The following ZNF385B variants were observed in gnomAD, a reference collection of about 807,000 sequenced individuals.
ZNF385B encodes zinc finger protein 385B, also known as zinc finger protein 533.
ZNF385B carries 23 observed loss-of-function variants against 39.2 expected under a neutral mutation model. The observed-to-expected ratio is 0.59, with a 90% CI of 0.42 to 0.83. The LOEUF is 0.83. Ranked by LOEUF, ZNF385B falls within the 40% of genes least tolerant of loss-of-function variation. ZNF385B has a pLI of 0.00. For synonymous variants in ZNF385B, 205 were observed against 222.6 expected, an observed-to-expected ratio of 0.92 and a Z score of 0.70; for missense variants, 552 against 598.9, an observed-to-expected ratio of 0.92 and a Z score of 0.82.
At chr2:179,470,611 T>G (rs1389743350) in intron 6 of ZNF385B, among the ~76,000 whole-genome samples, 1 of 152,182 alleles carries the variant, frequency 6.6e-6, no homozygotes. Context: ...TCTCTCTCTG[T>G]GCAAACTGGT....
chr2:179,604,403 G>GA (rs907380618), intron 3 of ZNF385B, among the ~76,000 whole-genome samples: 28 of 149,094 alleles, frequency 1.9e-4, no homozygotes, highest in South Asian at 1.1e-3. Context: ...GGGAATAACT[G>GA]AAAAAAAAAT....
chr2:179,839,057 C>T (rs1286872880), intron 1 of ZNF385B, among the ~76,000 whole-genome samples: 1 of 152,080 alleles, frequency 6.6e-6, no homozygotes, highest in African/African-American at 2.4e-5. Flanking sequence ...TATCTAGAAT[C>T]AGCCTTCAAT....
At chr2:179,449,711 G>A (rs1229918633) in intron 6 of ZNF385B, among the ~76,000 whole-genome samples, 88 of 152,050 alleles carry the variant, frequency 5.8e-4, no homozygotes, top group Admixed American at 3.1e-3. Context: ...CATCCCCATC[G>A]AGCTACCAAT....
rs560850413 is a variant in ZNF385B, at chr2:179,480,329, C to G, written c.715+2943G>C. Among the ~76,000 whole-genome samples, 15 of 152,308 alleles carry G rather than the reference C, an allele frequency of 9.8e-5. No homozygotes were observed. In the South Asian group the frequency reaches 3.1e-3, roughly 32 times the overall value. On this transcript the variant is annotated intron_variant, in intron 6 of 9. Transcript: ENST00000410066. ...CAACATTGTCTGAAATAAAACATTT[C>G]AGTCAATTATCACAGTCACCATTCC...
intron 4 of ZNF385B, among the ~76,000 whole-genome samples, chr2:179,524,551 C>CAAAAAAAAGAAAAAAAAAAA (rs1300764305): frequency 9.8e-5 from 6 of 60,970 alleles, no homozygotes; most frequent in Admixed American, 2.6e-4. Flanking sequence ...GACTCCGTCT[C>CAAAAAAAAGAAAAAAAAAAA]AAAAAAAAAA....
intron 3 of ZNF385B, among the ~76,000 whole-genome samples, chr2:179,632,418 C>A (rs1000774504): frequency 2.0e-5 from 3 of 152,170 alleles, no homozygotes; most frequent in African/African-American, 7.2e-5. Context: ...CACACAATTA[C>A]ATGGAAACTG....
intron 3 of ZNF385B, among the ~76,000 whole-genome samples, chr2:179,649,921 T>C (rs1306526529): frequency 1.3e-5 from 2 of 152,234 alleles, no homozygotes; most frequent in Non-Finnish European, 2.9e-5. Context: ...TTTAAGAACA[T>C]AATTCTAATC....
intron 3 of ZNF385B, among the ~76,000 whole-genome samples, chr2:179,735,164 T>TG (rs1440073860): frequency 6.6e-6 from 1 of 151,904 alleles, no homozygotes; most frequent in Non-Finnish European, 1.5e-5. Context: ...GGATCTACAA[T>TG]GAACTCAAAC....
intron 3 of ZNF385B, among the ~76,000 whole-genome samples, chr2:179,698,145 C>G (rs889541827): frequency 6.6e-6 from 1 of 150,462 alleles, no homozygotes; most frequent in East Asian, 2.0e-4. Flanking sequence ...CAAACCTGCA[C>G]GTTGTGCACA....
intron 1 of ZNF385B, among the ~76,000 whole-genome samples, chr2:179,853,405 G>A (rs1407341750): frequency 6.6e-6 from 1 of 152,126 alleles, no homozygotes; most frequent in Non-Finnish European, 1.5e-5. Flanking sequence ...AAGTTACTTG[G>A]TCTTCCAAAA....
chr2:179,524,274 C>T (rs547133336), intron 4 of ZNF385B, among the ~76,000 whole-genome samples: 223 of 151,944 alleles, frequency 1.5e-3, no homozygotes, highest in Non-Finnish European at 1.3e-3. Flanking sequence ...TAAAGTCGGC[C>T]GGGCACGGTG....
intron 3 of ZNF385B, chr2:179,576,417 A>C (rs533459279): frequency 6.5e-6 from 1 of 152,970 alleles, no homozygotes; most frequent in East Asian, 1.9e-4. Context: ...CAGTTGGGGT[A>C]CCCATGCCCA....
At chr2:179,810,146 T>A (rs1179963675) in intron 1 of ZNF385B, among the ~76,000 whole-genome samples, 1 of 151,856 alleles carries the variant, frequency 6.6e-6, no homozygotes, top group Non-Finnish European at 1.5e-5. Context: ...GAATTTATAA[T>A]CTCATCTGAA....
intron 4 of ZNF385B, among the ~76,000 whole-genome samples, chr2:179,526,305 T>C (rs540063369): frequency 2.0e-5 from 3 of 151,960 alleles, no homozygotes; most frequent in African/African-American, 7.2e-5. Flanking sequence ...AAATACACCA[T>C]ATGGCCAGGC....
At chr2:179,543,969 T>C (rs764617002) in intron 4 of ZNF385B, among the ~76,000 whole-genome samples, 3 of 152,194 alleles carry the variant, frequency 2.0e-5, no homozygotes, top group Non-Finnish European at 4.4e-5. Flanking sequence ...TTTTTTTTAT[T>C]ACAGCAGCAT....
At chr2:179,458,931 A>C (rs1247693947) in intron 6 of ZNF385B, among the ~76,000 whole-genome samples, 3 of 152,304 alleles carry the variant, frequency 2.0e-5, no homozygotes, top group Non-Finnish European at 2.9e-5. Context: ...CATGTTAATA[A>C]ACTTCTTTGT....
rs377710382 is a variant in ZNF385B, at chr2:179,689,920, T to C, written c.298+79583A>G. 6.6e-5 allele frequency among the ~76,000 whole-genome samples: 10 copies of C among 152,210 alleles called. No homozygotes were observed. In the East Asian group the frequency reaches 1.9e-3, roughly 29 times the overall value. ...CTGGAAGACAGCAGCTCCTTACCTGTTGGTTTTCTCTCTCCTATAGCTAAA... is the reference window on the plus strand; with the variant it reads ...CTGGAAGACAGCAGCTCCTTACCTGCTGGTTTTCTCTCTCCTATAGCTAAA... On this transcript the variant is annotated intron_variant, in intron 3 of 9. Transcript: ENST00000410066.
At chr2:179,592,283 G>A (rs11689513) in intron 3 of ZNF385B, among the ~76,000 whole-genome samples, 3 of 150,242 alleles carry the variant, frequency 2.0e-5, no homozygotes, top group Non-Finnish European at 3.0e-5. Flanking sequence ...AGTCTATTTG[G>A]AAAAAAAAAC....
At chr2:179,710,687 A>G (rs1699936532) in intron 3 of ZNF385B, among the ~76,000 whole-genome samples, 1 of 152,144 alleles carries the variant, frequency 6.6e-6, no homozygotes, top group Non-Finnish European at 1.5e-5. Context: ...AATGGCCATG[A>G]CTTGCCCTTT....
Sources: gnomAD v4.1 joint callset for allele counts (sites outside exome capture counted in the v4.1 genomes callset) on GRCh38, gnomAD v4.1.1 for gene constraint, MANE v1.5 for transcripts, NCBI Gene and HGNC (gene_info 2026-07-23, HGNC 2026-07-21) for gene names.